Variants in AGBL4 observed in about 807,000 individuals in gnomAD.
AGBL4 encodes the protein cytosolic carboxypeptidase 6.
AGBL4 carries 58 observed loss-of-function variants against 66.4 expected under a neutral mutation model. The ratio of observed to expected loss-of-function variants is 0.87; its 90% confidence interval spans 0.71 to 1.09. The LOEUF is 1.09. AGBL4 is among the 50% of genes least tolerant of loss of function. The pLI, the probability that AGBL4 is intolerant of heterozygous loss-of-function variation, is 0.00. For missense variants in AGBL4, 579 were observed against 631.0 expected (o/e 0.92, Z 0.88); for synonymous variants, 234 against 222.9 (o/e 1.05, Z -0.44).
chr1:48,925,824 A>C (rs1654509154), intron 5 of AGBL4, among the ~76,000 whole-genome samples: 1 of 152,216 alleles, frequency 6.6e-6, no homozygotes, highest in African/African-American at 2.4e-5. Flanking sequence ...CGGTGAGATC[A>C]GCAGGCCATG....
chr1:48,776,520 C>G (rs879717809), intron 6 of AGBL4: 85 of 1,001,334 alleles, frequency 8.5e-5, no homozygotes, highest in Non-Finnish European at 1.1e-4. Flanking sequence ...TGGCTCCCCC[C>G]GGTCCCCTCC....
chr1:49,171,498 T>C (rs1051698726), intron 4 of AGBL4, among the ~76,000 whole-genome samples: 3 of 152,148 alleles, frequency 2.0e-5, no homozygotes, highest in Admixed American at 6.5e-5. Context: ...CTTTTTTTTT[T>C]CCTGCAAGGA....
chr1:48,661,947 G>A (rs1646114093), intron 7 of AGBL4, among the ~76,000 whole-genome samples: 1 of 152,164 alleles, frequency 6.6e-6, no homozygotes. Flanking sequence ...GAAGGCCAAA[G>A]TGAGAATGCT....
At chr1:49,115,270 C>T (rs1645494342) in intron 4 of AGBL4, among the ~76,000 whole-genome samples, 1 of 152,082 alleles carries the variant, frequency 6.6e-6, no homozygotes, top group Non-Finnish European at 1.5e-5. Context: ...TAGGGTCACA[C>T]AAAATATCAA....
intron 2 of AGBL4, among the ~76,000 whole-genome samples, chr1:49,697,753 G>A (rs1199939968): frequency 4.6e-5 from 7 of 152,040 alleles, no homozygotes; most frequent in Non-Finnish European, 8.8e-5. Flanking sequence ...AGAGAAGAAT[G>A]GCAAACTTTG....
chr1:49,118,355 G>T (rs900064836), intron 4 of AGBL4, among the ~76,000 whole-genome samples: 1 of 152,120 alleles, frequency 6.6e-6, no homozygotes, highest in African/African-American at 2.4e-5. Context: ...CTGTGGGTTT[G>T]TCATAAATGG....
intron 3 of AGBL4, among the ~76,000 whole-genome samples, chr1:49,431,801 G>T (rs781552953): frequency 1.3e-5 from 2 of 152,072 alleles, no homozygotes; most frequent in Non-Finnish European, 2.9e-5. Context: ...TGAAAAAAGA[G>T]AAAATATGTA....
chr1:48,931,170 G>C (rs912545817), intron 5 of AGBL4, among the ~76,000 whole-genome samples: 3 of 152,068 alleles, frequency 2.0e-5, no homozygotes, highest in South Asian at 4.2e-4. Flanking sequence ...ACTAATATAT[G>C]GTGAACTAAA....
chr1:49,592,364 A>G (rs1571124722), intron 3 of AGBL4, among the ~76,000 whole-genome samples: 1 of 152,214 alleles, frequency 6.6e-6, no homozygotes, highest in Non-Finnish European at 1.5e-5. Flanking sequence ...TGAGGTCAGG[A>G]GTTCAAGGCC....
intron 5 of AGBL4, among the ~76,000 whole-genome samples, chr1:48,894,071 T>C (rs1386000558): frequency 2.0e-5 from 3 of 152,216 alleles, no homozygotes; most frequent in Admixed American, 6.5e-5. Flanking sequence ...GAAAAAATAC[T>C]TCCGTAGCTT....
intron 3 of AGBL4, among the ~76,000 whole-genome samples, chr1:49,319,973 G>A (rs1645103070): frequency 6.6e-6 from 1 of 152,014 alleles, no homozygotes. Flanking sequence ...CTGCTGTCCA[G>A]GCTAGAGTAC....
intron 7 of AGBL4, among the ~76,000 whole-genome samples, chr1:48,654,043 C>T (rs1234804417): frequency 2.0e-5 from 3 of 152,176 alleles, no homozygotes; most frequent in Non-Finnish European, 2.9e-5. Context: ...TTCCAGGACT[C>T]CAGGGATGAT....
intron 2 of AGBL4, among the ~76,000 whole-genome samples, chr1:49,750,226 T>C (rs1651340623): frequency 6.6e-6 from 1 of 152,200 alleles, no homozygotes; most frequent in Non-Finnish European, 1.5e-5. Context: ...TTTATGGTTT[T>C]AGGTCTTAAA....
At chr1:49,078,171 G>A (rs1171316380) in intron 4 of AGBL4, among the ~76,000 whole-genome samples, 1 of 152,024 alleles carries the variant, frequency 6.6e-6, no homozygotes, top group Non-Finnish European at 1.5e-5. Flanking sequence ...AATCCAAAAG[G>A]CCTTGTCTCA....
chr1:49,882,350 A>T lies in AGBL4; in HGVS notation c.35-30832T>A, dbSNP rs1467069719. 2.0e-5 allele frequency among the ~76,000 whole-genome samples: 3 copies of T among 151,322 alleles called. No homozygotes were observed. In the East Asian group the frequency reaches 5.8e-4, roughly 29 times the overall value. On this transcript the variant is annotated intron_variant, in intron 1 of 13. Transcript: ENST00000371839. The stretch of plus-strand genomic sequence containing the variant: ...GCCTCCAGCTTTGTTCTTTTGGCTT[A>T]GGATTGACTTGGCGATGTGGGCTCT...
chr1:48,641,141 A>G (rs1645748445), intron 8 of AGBL4, among the ~76,000 whole-genome samples: 1 of 152,184 alleles, frequency 6.6e-6, no homozygotes, highest in Non-Finnish European at 1.5e-5. Context: ...GATTAAGCAT[A>G]TTTGCACCAA....
intron 3 of AGBL4, among the ~76,000 whole-genome samples, chr1:49,248,444 G>A (rs1288087945): frequency 6.6e-6 from 1 of 152,136 alleles, no homozygotes; most frequent in Non-Finnish European, 1.5e-5. Context: ...GTCACCTCTT[G>A]TTTACAGATG....
rs1645917458 is a variant in AGBL4, at chr1:48,650,803, ACTATTTCCCCTCTTAGATTC to A, written c.839+2514_839+2533del. On this transcript the variant is annotated intron_variant, in intron 8 of 13. Transcript: ENST00000371839. Reference sequence around the variant, plus strand: ...CACTTAACTTTGGGAAACACTGAGTACTATTTCCCCTCTTAGATTCCCTATGTTTATAAGCATATTCAAAA... The same window carrying A: ...CACTTAACTTTGGGAAACACTGAGTACCTATGTTTATAAGCATATTCAAAA... Among the ~76,000 whole-genome samples, 5 of 152,320 alleles carry A rather than the reference ACTATTTCCCCTCTTAGATTC, an allele frequency of 3.3e-5. No homozygotes were observed. In the South Asian group the frequency reaches 1.0e-3, roughly 32 times the overall value.
chr1:49,880,380 G>T (rs1252858073), intron 1 of AGBL4, among the ~76,000 whole-genome samples: 2 of 151,938 alleles, frequency 1.3e-5, no homozygotes, highest in Non-Finnish European at 2.9e-5. Context: ...CCTTCTAACA[G>T]ACAGGACCCT....
Sources: gnomAD v4.1 joint callset for allele counts (sites outside exome capture counted in the v4.1 genomes callset) on GRCh38, gnomAD v4.1.1 for gene constraint, MANE v1.5 for transcripts, NCBI Gene and HGNC (gene_info 2026-07-23, HGNC 2026-07-21) for gene names.